Variants in TRHDE observed in about 807,000 individuals in gnomAD.
TRHDE encodes thyrotropin-releasing hormone-degrading ectoenzyme.
TRHDE carries 72 observed loss-of-function variants against 125.7 expected under a neutral mutation model. The observed-to-expected ratio is 0.57, with a 90% CI of 0.47 to 0.70. The LOEUF (loss-of-function observed/expected upper bound fraction) is 0.70. Ranked by LOEUF, TRHDE falls within the 30% of genes least tolerant of loss-of-function variation. The pLI is 0.00. For missense variants in TRHDE, 1,110 were observed against 1,327.1 expected (o/e 0.84, Z 2.54); for synonymous variants, 509 against 509.1 (o/e 1.00, Z 0.00).
At chr12:72,367,719 T>C (rs200715589) in intron 2 of TRHDE, among the ~76,000 whole-genome samples, 4 of 152,192 alleles carry the variant, frequency 2.6e-5, no homozygotes, top group African/African-American at 9.7e-5. Context: ...GGTGAATTAA[T>C]TCAGCTTTAC....
intron 2 of TRHDE, among the ~76,000 whole-genome samples, chr12:72,295,888 T>C (rs964566659): frequency 1.3e-5 from 2 of 152,184 alleles, no homozygotes; most frequent in African/African-American, 4.8e-5. Context: ...ATAGAGAAAC[T>C]AAAATAAATA....
intron 2 of TRHDE, among the ~76,000 whole-genome samples, chr12:72,112,615 A>G (rs1192257058): frequency 2.0e-5 from 3 of 152,180 alleles, no homozygotes; most frequent in Non-Finnish European, 2.9e-5. Flanking sequence ...ACACACTTTC[A>G]TAGATAATTT....
chr12:72,520,060 C>A (rs1879104728), intron 6 of TRHDE, among the ~76,000 whole-genome samples: 1 of 152,226 alleles, frequency 6.6e-6, no homozygotes, highest in African/African-American at 2.4e-5. Flanking sequence ...CAGACAGGGA[C>A]ACTTAAGTCT....
At chr12:72,208,124 C>T (rs1877705633) in intron 2 of TRHDE, among the ~76,000 whole-genome samples, 1 of 152,146 alleles carries the variant, frequency 6.6e-6, no homozygotes. Context: ...GCCTTTCTAG[C>T]TTCTACCTTC....
chr12:72,403,575 T>A (rs1189408878), intron 3 of TRHDE, among the ~76,000 whole-genome samples: 1 of 152,184 alleles, frequency 6.6e-6, no homozygotes, highest in African/African-American at 2.4e-5. Flanking sequence ...AATCCCAAGT[T>A]AGACTTACTC....
rs551743805 is a variant in TRHDE, at chr12:72,603,435, G to A, written c.2322-15456G>A. 5.9e-5 allele frequency among the ~76,000 whole-genome samples: 9 copies of A among 152,130 alleles called. No homozygotes were observed. In the East Asian group the frequency reaches 1.7e-3, roughly 29 times the overall value. Reference sequence around the variant, plus strand: ...GAGTAAACTTTCTTATAATAACAATGTAAGTGTGGGCCGAGCGCGGTGTCT... The same window carrying A: ...GAGTAAACTTTCTTATAATAACAATATAAGTGTGGGCCGAGCGCGGTGTCT... On this transcript the variant is annotated intron_variant, in intron 12 of 18. Transcript: ENST00000261180.
chr12:72,474,020 G>A (rs927356725), intron 5 of TRHDE, among the ~76,000 whole-genome samples: 9 of 151,480 alleles, frequency 5.9e-5, no homozygotes, highest in Non-Finnish European at 8.8e-5. Flanking sequence ...ATATACACAC[G>A]CACATATATA....
intron 6 of TRHDE, among the ~76,000 whole-genome samples, chr12:72,510,116 C>T (rs906958242): frequency 2.0e-5 from 3 of 152,156 alleles, no homozygotes; most frequent in Admixed American, 6.5e-5. Context: ...TGTCTCTTCC[C>T]TCTCCTGCCT....
At chr12:72,486,637 C>A (rs905386947) in intron 5 of TRHDE, among the ~76,000 whole-genome samples, 2 of 152,146 alleles carry the variant, frequency 1.3e-5, no homozygotes, top group Non-Finnish European at 2.9e-5. Context: ...CAACTGACAC[C>A]CATATGTCCA....
At chr12:72,288,076 T>C (rs1320101427) in intron 2 of TRHDE, among the ~76,000 whole-genome samples, 2 of 152,144 alleles carry the variant, frequency 1.3e-5, no homozygotes, top group Non-Finnish European at 2.9e-5. Flanking sequence ...ATCCTAAATT[T>C]TGGGCTTTTC....
intron 7 of TRHDE, among the ~76,000 whole-genome samples, chr12:72,546,540 C>G (rs1193172152): frequency 6.6e-6 from 1 of 151,618 alleles, no homozygotes; most frequent in Non-Finnish European, 1.5e-5. Flanking sequence ...GATCCTATCA[C>G]TCATTATTAA....
At chr12:72,645,712 A>G (rs1333433788) in intron 15 of TRHDE, among the ~76,000 whole-genome samples, 1 of 152,176 alleles carries the variant, frequency 6.6e-6, no homozygotes. Flanking sequence ...TTTTGAAAGC[A>G]GCAAAAGTAA....
At chr12:72,639,816 G>A (rs1274667934) in intron 15 of TRHDE, among the ~76,000 whole-genome samples, 1 of 152,156 alleles carries the variant, frequency 6.6e-6, no homozygotes, top group Non-Finnish European at 1.5e-5. Flanking sequence ...GGCTGCTCGG[G>A]GGGTCAGCAG....
At chr12:72,380,834 C>T (rs1175375519) in intron 3 of TRHDE, among the ~76,000 whole-genome samples, 4 of 144,942 alleles carry the variant, frequency 2.8e-5, no homozygotes, top group African/African-American at 1.0e-4. Flanking sequence ...TCCCTCTCTC[C>T]CTCCCTCCCT....
intron 6 of TRHDE, among the ~76,000 whole-genome samples, chr12:72,507,567 A>T (rs554532285): frequency 6.6e-6 from 1 of 152,328 alleles, no homozygotes; most frequent in South Asian, 2.1e-4. Flanking sequence ...GTGTGTTCTC[A>T]TATGTGTGAG....
In TRHDE at chr12:72,568,552, G is replaced by A. The variant is rs755922101; in HGVS notation, c.2043-16G>A. The A allele has an allele frequency of 1.3e-6, 2 of 1,574,986 alleles. No homozygotes were observed. Among genetic ancestry groups the A allele is most frequent in the African/African-American group, 1.4e-5 (1 of 74,010 alleles). The stretch of plus-strand genomic sequence containing the variant: ...ATAGTTATTTTTATTCTTAAAGCTT[G>A]TCTTTTATTTTGCAGTTACCTGTGG... On this transcript the variant is annotated splice_polypyrimidine_tract_variant and intron_variant, in intron 9 of 18. Transcript: ENST00000261180.
chr12:72,272,171 G>T (rs1405860306), upstream of TRHDE: 3 of 456,238 alleles, frequency 6.6e-6, no homozygotes, highest in East Asian at 7.0e-5. The surrounding 1 kb of genome is among the most constrained non-coding windows in gnomAD (Gnocchi z 6.7). Context: ...CGCTGGAGTG[G>T]GGGGAGAAAG....
intron 2 of TRHDE, among the ~76,000 whole-genome samples, chr12:72,148,209 T>G (rs532984001): frequency 6.6e-6 from 1 of 152,312 alleles, no homozygotes; most frequent in South Asian, 2.1e-4. Context: ...TCTTTTATTT[T>G]TCCACAACTG....
In TRHDE at chr12:72,367,798, A is replaced by C. The variant is rs544146082; in HGVS notation, c.1189-10197A>C. ...GGGGACTAGTTTTTCAGTTATAGGC[A>C]AAAGGAGAAGTAAATGTATTGTTAT... On this transcript the variant is annotated intron_variant, in intron 2 of 18. Coordinates refer to ENST00000261180, the MANE Select transcript of TRHDE (RefSeq NM_013381.3). 7.2e-5 allele frequency among the ~76,000 whole-genome samples: 11 copies of C among 152,326 alleles called. No homozygotes were observed. In the South Asian group the frequency reaches 2.1e-3, roughly 29 times the overall value.
Sources: allele counts gnomAD v4.1 joint callset (sites outside exome capture counted in the v4.1 genomes callset), GRCh38; gene constraint gnomAD v4.1.1; non-coding constraint Gnocchi (gnomAD v3.1); transcripts MANE v1.5; gene names NCBI Gene and HGNC (gene_info 2026-07-23, HGNC 2026-07-21).